EYS: variants seen among roughly 807,000 people sequenced by gnomAD.
EYS encodes protein eyes shut homolog.
Under a neutral mutation model 282.1 loss-of-function variants are expected in EYS, and 250 were observed. That is an observed-to-expected ratio of 0.89 (90% CI 0.80 to 0.98). The LOEUF is 0.98. EYS is among the 50% of genes least tolerant of loss of function. EYS has a pLI of 0.00. For synonymous variants in EYS, 1,355 were observed against 1,282.9 expected (o/e 1.06, Z -1.20); for missense variants, 4,016 against 3,709.0 (o/e 1.08, Z -2.15).
chr6:63,807,602 A>G (rs1770940012), intron 36 of EYS, among the ~76,000 whole-genome samples: 1 of 152,076 alleles, frequency 6.6e-6, no homozygotes, highest in Non-Finnish European at 1.5e-5. Flanking sequence ...TTAAACTAAG[A>G]TATTTGTGTG....
rs1224190792 is a variant in EYS, at chr6:63,788,109, A to G, written c.7719T>C (p.Phe2573=). 6.5e-7 allele frequency: 1 copy of G among 1,534,852 alleles called. No homozygotes were observed. ...LPNGADFKNG[F]QGCIFTLQVR... ...TAAAAAATGTCCATGCCTTACCTTG[A>G]AAACCATTTTTAAAATCTGCTCCAT... Residue 2573 remains phenylalanine (F), a synonymous_variant, in exon 39 of 43, where the codon TTT becomes TTC. Transcript: ENST00000503581.
intron 22 of EYS, among the ~76,000 whole-genome samples, chr6:64,775,033 C>T (rs532856967): frequency 6.6e-6 from 1 of 151,894 alleles, no homozygotes; most frequent in Non-Finnish European, 1.5e-5. Flanking sequence ...AGTGCAAACT[C>T]GAATGCCTAG....
At chr6:63,944,242 A>T (rs573786688) in intron 35 of EYS, among the ~76,000 whole-genome samples, 2 of 152,196 alleles carry the variant, frequency 1.3e-5, no homozygotes, top group African/African-American at 4.8e-5. Flanking sequence ...GCAAAATATA[A>T]GGCAGTGCAT....
chr6:64,605,843 C>A (rs1176447834), intron 24 of EYS, among the ~76,000 whole-genome samples: 1 of 151,888 alleles, frequency 6.6e-6, no homozygotes, highest in Admixed American at 6.6e-5. Flanking sequence ...TTTTTGAGAA[C>A]TGGCAAGTAG....
chr6:64,326,857 G>A (rs1183227955), intron 29 of EYS, among the ~76,000 whole-genome samples: 1 of 152,056 alleles, frequency 6.6e-6, no homozygotes, highest in African/African-American at 2.4e-5. Context: ...TAAGGTTTGG[G>A]CCCTAAGGCA....
intron 26 of EYS, among the ~76,000 whole-genome samples, chr6:64,444,223 A>G (rs1775047889): frequency 6.6e-6 from 1 of 152,194 alleles, no homozygotes; most frequent in Non-Finnish European, 1.5e-5. Context: ...TTAATAATGT[A>G]AAAAGGCTGC....
At position 63,959,102 on chromosome 6, in the gene EYS, T is replaced by A. The variant is rs145951546; in HGVS notation, c.7055+25281A>T. Among the ~76,000 whole-genome samples the A allele has an allele frequency of 4.7e-4, 72 of 152,284 alleles. 1 individual carries two copies. Among genetic ancestry groups the A allele is most frequent in the African/African-American group, 1.6e-3 (68 of 41,552 alleles). On this transcript the variant is annotated intron_variant, in intron 35 of 42. Coordinates refer to ENST00000503581, the MANE Select transcript of EYS (RefSeq NM_001142800.2). ...GGCATCGTATAGAATGGGAGAAAAT[T>A]TCTGCAATCTGCTTATCTGACAAAG...
chr6:64,688,000 GT>G (rs1770221618), intron 22 of EYS, among the ~76,000 whole-genome samples: 1 of 152,020 alleles, frequency 6.6e-6, no homozygotes, highest in Non-Finnish European at 1.5e-5. Flanking sequence ...AGATTTTCTA[GT>G]TTATTTGTGT....
chr6:64,131,226 G>A (rs948673400), intron 31 of EYS, among the ~76,000 whole-genome samples: 4 of 152,150 alleles, frequency 2.6e-5, no homozygotes, highest in Admixed American at 1.3e-4. Context: ...GGGGAGTGAC[G>A]TGGTATGATT....
chr6:64,512,489 A>C (rs1777440327), intron 26 of EYS, among the ~76,000 whole-genome samples: 1 of 151,866 alleles, frequency 6.6e-6, no homozygotes, highest in East Asian at 1.9e-4. Flanking sequence ...GGCCCAGGGG[A>C]AGGGGGAGGG....
intron 31 of EYS, among the ~76,000 whole-genome samples, chr6:64,217,283 C>G (rs182962153): frequency 3.7e-4 from 57 of 152,144 alleles, no homozygotes; most frequent in South Asian, 3.7e-3. Flanking sequence ...AATCCCAGAA[C>G]TTTGGGAGGC....
intron 31 of EYS, among the ~76,000 whole-genome samples, chr6:64,111,850 G>T (rs1582284793): frequency 6.6e-6 from 1 of 151,928 alleles, no homozygotes; most frequent in Admixed American, 6.6e-5. Context: ...ATATTAGAAA[G>T]AAATATATTA....
chr6:65,255,698 T>C (rs10944784), intron 12 of EYS, among the ~76,000 whole-genome samples: 6,395 of 152,048 alleles, frequency 0.042, 180 homozygotes, highest in Middle Eastern at 0.065. Context: ...AGGCAGATGA[T>C]CTGAACAGAC....
chr6:64,429,332 T>C (rs1001071880), intron 28 of EYS, among the ~76,000 whole-genome samples: 2 of 152,184 alleles, frequency 1.3e-5, no homozygotes, highest in Non-Finnish European at 2.9e-5. Context: ...CTGGAATAAA[T>C]TGAATTAAAA....
intron 12 of EYS, among the ~76,000 whole-genome samples, chr6:65,119,759 T>A (rs1271528821): frequency 6.6e-6 from 1 of 151,632 alleles, no homozygotes; most frequent in Non-Finnish European, 1.5e-5. Context: ...TCCAGCTACT[T>A]GGGAGGCTGA....
chr6:64,465,225 T>A (rs753122317), intron 26 of EYS, among the ~76,000 whole-genome samples: 4 of 152,026 alleles, frequency 2.6e-5, no homozygotes, highest in Non-Finnish European at 5.9e-5. Context: ...CCTGTCAACA[T>A]CTCAATGACA....
At chr6:64,669,693 T>C (rs1769375098) in intron 22 of EYS, among the ~76,000 whole-genome samples, 1 of 152,200 alleles carries the variant, frequency 6.6e-6, no homozygotes, top group South Asian at 2.1e-4. Context: ...TATGTGTTTT[T>C]TATTTGTTCT....
Position 64,081,946 on chromosome 6 carries a change from A to T in EYS, c.6481T>A (p.Leu2161Met), listed in dbSNP as rs1171390419. ...TGTTCCTTCTCCAGGACAAACTTCA[A>T]AAAGGGCAGTTCTAAATAGGAATTC... ...NGNSYLELPF[L>M]KFVLEKEHNR... Residue 2161 changes from leucine (L) to methionine (M), a missense_variant, in exon 32 of 43, where the codon TTG (leucine) becomes ATG (methionine). By Grantham distance (15) the Leu-to-Met change is conservative (BLOSUM62 2). Transcript: ENST00000503581. The T allele has an allele frequency of 1.9e-6, 3 of 1,546,064 alleles. No homozygotes were observed. Among genetic ancestry groups the T allele is most frequent in the African/African-American group, 1.4e-5 (1 of 72,904 alleles).
rs376731087 is a variant in EYS, at chr6:64,658,734, C to A, written c.3444-32489G>T. Among the ~76,000 whole-genome samples, 9 of 152,242 alleles carry A rather than the reference C, an allele frequency of 5.9e-5. No homozygotes were observed. The East Asian group carries it at 1.6e-3, about 26-fold the overall frequency. On this transcript the variant is annotated intron_variant, in intron 22 of 42. Coordinates refer to ENST00000503581, the MANE Select transcript of EYS (RefSeq NM_001142800.2). ...CTGGAAGTCTTGTCTCAGAGGAGTA[C>A]CCGGCCATGTGAGGTGTCAGTCTGC... is the stretch of plus-strand genomic sequence containing the variant.
Sources: allele counts gnomAD v4.1 joint callset (sites outside exome capture counted in the v4.1 genomes callset), GRCh38; gene constraint gnomAD v4.1.1; transcripts MANE v1.5; gene names NCBI Gene and HGNC (gene_info 2026-07-23, HGNC 2026-07-21).